The following RGS14 variants were observed in gnomAD, a reference collection of about 807,000 sequenced individuals.
RGS14 encodes the protein regulator of G protein signaling 14.
Under a neutral mutation model 63.8 loss-of-function variants are expected in RGS14, and 33 were observed. The observed-to-expected ratio is 0.52, with a 90% CI of 0.39 to 0.69. The LOEUF is 0.69. Among genes scored for constraint, RGS14 ranks in the 30% least tolerant of loss-of-function variants. The probability of loss-of-function intolerance (pLI) is 0.00; values close to 1 mark genes in which losing one functional copy is unlikely to be tolerated. For missense variants in RGS14, 739 were observed against 742.9 expected, an observed-to-expected ratio of 0.99 and a Z score of 0.06; for synonymous variants, 296 against 320.9, an observed-to-expected ratio of 0.92 and a Z score of 0.83.
intron 1 of RGS14, among the ~76,000 whole-genome samples, chr5:177,363,279 A>G (rs944834877): frequency 6.0e-5 from 9 of 151,144 alleles, no homozygotes; most frequent in Admixed American, 1.3e-4. Flanking sequence ...TGCGGGGAGG[A>G]CAGAGCGGGG....
At chr5:177,362,462 G>A (rs1395588234) in intron 1 of RGS14, among the ~76,000 whole-genome samples, 1 of 152,186 alleles carries the variant, frequency 6.6e-6, no homozygotes, top group African/African-American at 2.4e-5. Context: ...AGACTGGCAG[G>A]GAGAGAGGCC....
At chr5:177,362,006 T>A (rs1488025209) in intron 1 of RGS14, among the ~76,000 whole-genome samples, 1 of 152,152 alleles carries the variant, frequency 6.6e-6, no homozygotes, top group Non-Finnish European at 1.5e-5. Context: ...CCTGCACACC[T>A]GCACCTCACT....
At chr5:177,370,494 T>C in intron 9 of RGS14, 97 bp from the exon 10 acceptor site, 1 of 1,046,836 alleles carries the variant, frequency 9.6e-7, no homozygotes, top group Non-Finnish European at 1.5e-6. Flanking sequence ...GGAAGCCCAG[T>C]GGTGGCCATG....
In RGS14 at chr5:177,358,065, G is replaced by T. The variant is rs370226296; in HGVS notation, c.41G>T (p.Arg14Leu). 3.7e-6 allele frequency: 5 copies of T among 1,356,610 alleles called. No homozygotes were observed. Among genetic ancestry groups the T allele is most frequent in the Middle Eastern group, 2.2e-4 (1 of 4,544 alleles). The allele number at this position is 1,356,610 out of a possible 1,614,324, so 84.0% of individuals were successfully genotyped here. A position where few individuals can be genotyped will look rare whatever the true frequency, so the allele number is the denominator to read the frequency against. Reference protein sequence around the residue: ...KPKHLGVPNGRMVLAVSDGEL... With the variant: ...KPKHLGVPNGLMVLAVSDGEL... ...AAGCACCTGGGCGTCCCCAACGGGC[G>T]CATGGTGAGTGTGGGCTCCGGGCCA... Residue 14 changes from arginine to leucine, a missense_variant, in exon 1 of 15, where the codon CGC (arginine) becomes CTC (leucine). Transcript: ENST00000408923. The surrounding 1 kb of genome is among the most constrained non-coding windows in gnomAD (Gnocchi z 4.8).
chr5:177,367,132 G>A, intron 5 of RGS14, 98 bp downstream of exon 5: 2 of 1,462,278 alleles, frequency 1.4e-6, no homozygotes, highest in Non-Finnish European at 1.8e-6. Context: ...AGCGGAGGGG[G>A]CAAATTTGGA....
intron 1 of RGS14, 108 bp from the exon 2 acceptor site, chr5:177,365,855 G>A (rs1762077920): frequency 9.0e-7 from 1 of 1,110,674 alleles, no homozygotes; most frequent in Non-Finnish European, 1.4e-6. Context: ...GGCCGGGGAT[G>A]CCCAGGTGGA....
chr5:177,359,316 A>T lies in RGS14; in HGVS notation c.45+1247A>T, dbSNP rs1761902936. On this transcript the variant is annotated intron_variant, in intron 1 of 14. Transcript: ENST00000408923. The surrounding 1 kb of genome is among the most constrained non-coding windows in gnomAD (Gnocchi z 4.4). The stretch of plus-strand genomic sequence containing the variant: ...TCTCACTGTCTGCAGTACCGACCCC[A>T]CAACGAAAGTGCAAAAAGAAAACCC... Among the ~76,000 whole-genome samples the T allele has an allele frequency of 6.6e-6, 1 of 152,056 alleles. No individual in the cohort carries two copies. The highest frequency in any genetic ancestry group is 2.4e-5 in the African/African-American group (1 of 41,390).
In RGS14 at chr5:177,371,457, G is replaced by A. The variant is rs747448334; in HGVS notation, c.1384-18G>A. The A allele has an allele frequency of 3.0e-5, 49 of 1,613,974 alleles. No individual in the cohort carries two copies. Among genetic ancestry groups the A allele is most frequent in the Non-Finnish European group, 3.2e-5 (38 of 1,179,992 alleles). On this transcript the variant is annotated intron_variant, in intron 13 of 14. Coordinates refer to ENST00000408923, the MANE Select transcript of RGS14 (RefSeq NM_006480.5). This position sits in a 1 kb window ranked among gnomAD's most constrained non-coding sequence, Gnocchi z 6.1. ...CTTCTCCCCTCCCGATTTTGGCTCT[G>A]ACCCCAAATTCTCGCAGGGCTGCCC...
intron 9 of RGS14, 123 bp downstream of exon 9, chr5:177,369,043 C>A: frequency 2.2e-6 from 2 of 904,110 alleles, no homozygotes; most frequent in Non-Finnish European, 3.5e-6. Context: ...TCCAAAGCAC[C>A]CTCAGCACCA....
rs1561618872 is a variant in RGS14 at position 177,371,092 on chromosome 5, CGGGGCCGGGGCCG to C, written c.1254+65_1255-57del. On this transcript the variant is annotated intron_variant, in intron 11 of 14. Coordinates refer to ENST00000408923, the MANE Select transcript of RGS14 (RefSeq NM_006480.5). This position sits in a 1 kb window ranked among gnomAD's most constrained non-coding sequence, Gnocchi z 6.1. ...GCCGGGCCGGGGCCGGGGCCGGGGC[CGGGGCCGGGGCCG>C]GGGCCGGGGCCGGGGCCGGGCGGAG... The C allele has an allele frequency of 9.1e-6, 8 of 874,734 alleles. No homozygotes were observed. The African/African-American group carries it at 2.3e-4, about 26-fold the overall frequency. The allele number at this position is 874,734 out of a possible 1,614,324, so 54.2% of individuals were successfully genotyped here.
At chr5:177,367,941 C>T in intron 7 of RGS14, 116 bp downstream of exon 7, 9 of 1,437,832 alleles carry the variant, frequency 6.3e-6, no homozygotes, top group Non-Finnish European at 8.2e-6. Context: ...AAATTGAAAC[C>T]CAGGTCCCAG....
Position 177,367,793 on chromosome 5 carries a change from G to C in RGS14, c.707G>C (p.Gly236Ala). 1 of 1,606,998 alleles carries C rather than the reference G, an allele frequency of 6.2e-7. No individual in the cohort carries two copies. Among genetic ancestry groups the C allele is most frequent in the South Asian group, 1.1e-5 (1 of 90,302 alleles). ...LGQLPPVEGP[G>A]GRPLRKSFRR... ...CAGCTGCCACCCGTTGAGGGTCCTG[G>C]GGGCCGCCCTCTCCGCAAGTCCTTC... Residue 236 changes from glycine to alanine, a missense_variant, in exon 7 of 15, where the codon GGG becomes GCG. By Grantham distance (60) the Gly-to-Ala change is moderately conservative (BLOSUM62 0). Coordinates refer to ENST00000408923, the MANE Select transcript of RGS14 (RefSeq NM_006480.5).
At position 177,360,567 on chromosome 5, in the gene RGS14, A is replaced by T. The variant is rs1421743523; in HGVS notation, c.45+2498A>T. On this transcript the variant is annotated intron_variant, in intron 1 of 14. Transcript: ENST00000408923. Reference sequence around the variant, plus strand: ...GGGTGAAAGAGCAAGATCCTATATTAAAAAAAAAAAAAAAAAAAAAAAAGA... The same window carrying T: ...GGGTGAAAGAGCAAGATCCTATATTTAAAAAAAAAAAAAAAAAAAAAAAGA... 3.5e-4 allele frequency among the ~76,000 whole-genome samples: 27 copies of T among 76,330 alleles called. No homozygotes were observed. In the East Asian group the frequency reaches 4.5e-3, roughly 13 times the overall value. The allele number at this position is 76,330 out of a possible 152,430, so 50.1% of individuals were successfully genotyped here.
intron 1 of RGS14, 137 bp from the exon 2 acceptor site, chr5:177,365,826 C>T (rs1427441706): frequency 1.1e-6 from 1 of 870,532 alleles, no homozygotes; most frequent in Non-Finnish European, 2.0e-6. Context: ...CTGAGGAAAA[C>T]CCTGACCAAG....
rs1012181571 is a variant in RGS14 at position 177,358,044 on chromosome 5, A to T, written c.20A>T (p.His7Leu). MPGKPK[H>L]LGVPNGRMVL... ...AGCGGCATGCCAGGGAAGCCCAAGC[A>T]CCTGGGCGTCCCCAACGGGCGCATG... The change falls in exon 1 of 15, where the codon CAC (histidine) becomes CTC (leucine). Residue 7 changes from histidine to leucine, a missense_variant. His to Leu is a moderately conservative substitution (Grantham distance 99, BLOSUM62 -3). Transcript: ENST00000408923. The surrounding 1 kb of genome is among the most constrained non-coding windows in gnomAD (Gnocchi z 4.8). 9 of 1,355,980 alleles carry T rather than the reference A, an allele frequency of 6.6e-6. No homozygotes were observed. Among genetic ancestry groups the T allele is most frequent in the Non-Finnish European group, 8.6e-6 (9 of 1,044,370 alleles). The allele number at this position is 1,355,980 out of a possible 1,614,324, so 84.0% of individuals were successfully genotyped here. A position where few individuals can be genotyped will look rare whatever the true frequency, so the allele number is the denominator to read the frequency against.
chr5:177,366,428 C>A, intron 3 of RGS14, 73 bp downstream of exon 3: 2 of 1,341,258 alleles, frequency 1.5e-6, no homozygotes, highest in South Asian at 1.5e-5. Flanking sequence ...TCAGGCTGGC[C>A]AGAGTGGGGT....
At chr5:177,365,873 G>C in intron 1 of RGS14, 90 bp from the exon 2 acceptor site, 1 of 1,321,948 alleles carries the variant, frequency 7.6e-7, no homozygotes, top group African/African-American at 1.4e-5. Flanking sequence ...GGAGGAGAAC[G>C]CAGTTCCAGC....
At chr5:177,369,092 A>C in intron 9 of RGS14, 172 bp downstream of exon 9, 1 of 644,772 alleles carries the variant, frequency 1.6e-6, no homozygotes, top group East Asian at 2.8e-5. Context: ...CCCCCACCTC[A>C]TGTCCTTCCA....
chr5:177,363,110 C>T lies in RGS14; in HGVS notation c.46-2853C>T, dbSNP rs894118276. On this transcript the variant is annotated intron_variant, in intron 1 of 14. Transcript: ENST00000408923. ...GGCGGTGCAGCCGGGGGAGGAGGAG[C>T]CCGGGCGCGGGCAGGTAGGTGCAGG... 3.9e-5 allele frequency among the ~76,000 whole-genome samples: 6 copies of T among 152,212 alleles called. No individual in the cohort carries two copies. In the East Asian group the frequency reaches 1.2e-3, roughly 29 times the overall value.
Sources: allele counts gnomAD v4.1 joint callset (sites outside exome capture counted in the v4.1 genomes callset), GRCh38; gene constraint gnomAD v4.1.1; non-coding constraint Gnocchi (gnomAD v3.1); transcripts MANE v1.5; gene names NCBI Gene and HGNC (gene_info 2026-07-23, HGNC 2026-07-21).